The following CCDC102B variants were observed in gnomAD, a reference collection of about 807,000 sequenced individuals.
CCDC102B encodes the protein coiled-coil domain-containing protein 102B.
Under a neutral mutation model 57.4 loss-of-function variants are expected in CCDC102B, and 75 were observed. That is an observed-to-expected ratio of 1.31 (90% confidence interval 1.08 to 1.58). The LOEUF is 1.58. Ranked by LOEUF, CCDC102B falls within the 40% of genes most tolerant of loss-of-function variation. CCDC102B has a pLI of 0.00. For synonymous variants in CCDC102B, 206 were observed against 201.9 expected, an observed-to-expected ratio of 1.02 and a Z score of -0.17; for missense variants, 636 against 582.6, an observed-to-expected ratio of 1.09 and a Z score of -0.94.
At chr18:68,756,773 G>A (rs1186476998) in intron 2 of CCDC102B, among the ~76,000 whole-genome samples, 1 of 152,132 alleles carries the variant, frequency 6.6e-6, no homozygotes, top group Non-Finnish European at 1.5e-5. Flanking sequence ...TAATAAAAGG[G>A]AATGCAGACG....
chr18:68,831,425 A>G (rs1160769510), intron 1 of CCDC102B, among the ~76,000 whole-genome samples: 2 of 152,162 alleles, frequency 1.3e-5, no homozygotes, highest in African/African-American at 4.8e-5. Flanking sequence ...CTGATCAGAT[A>G]ATGCCATTTA....
chr18:68,961,361 A>AC, intron 6 of CCDC102B, among the ~76,000 whole-genome samples: 1 of 152,148 alleles, frequency 6.6e-6, no homozygotes, highest in South Asian at 2.1e-4. Flanking sequence ...AGAATAAAAA[A>AC]ATTTGATTTT....
rs574106717 is a variant in CCDC102B at position 68,724,046 on chromosome 18, G to A, written c.-67+7452G>A. ...CCAAACCTCAGTTATTGACTTCTGT[G>A]CACCCACAGGCTTAACACCATGTGG... is the stretch of plus-strand genomic sequence containing the variant. On this transcript the variant is annotated intron_variant, in intron 2 of 3. Coordinates refer to the CCDC102B transcript ENST00000578970. Among the ~76,000 whole-genome samples, 286 of 152,288 alleles carry A rather than the reference G, an allele frequency of 1.9e-3. 4 individuals carry two copies. Among genetic ancestry groups the A allele is most frequent in the South Asian group, 0.011 (54 of 4,828 alleles).
At chr18:68,977,664 C>A (rs113908239) in intron 6 of CCDC102B, among the ~76,000 whole-genome samples, 1 of 151,438 alleles carries the variant, frequency 6.6e-6, no homozygotes, top group Non-Finnish European at 1.5e-5. Context: ...ATGATGATGA[C>A]GATGACTGTA....
At chr18:68,733,197 T>G (rs2145206374) in intron 2 of CCDC102B, among the ~76,000 whole-genome samples, 2 of 152,240 alleles carry the variant, frequency 1.3e-5, no homozygotes, top group South Asian at 4.1e-4. Flanking sequence ...TACCAAGGAC[T>G]GATGCCTTTC....
At position 68,874,719 on chromosome 18, in the gene CCDC102B, C is replaced by T. The variant is rs756610968; in HGVS notation, c.987C>T (p.Gly329=). The T allele has an allele frequency of 6.2e-7, 1 of 1,611,910 alleles. No individual in the cohort carries two copies. Among genetic ancestry groups the T allele is most frequent in the Non-Finnish European group, 8.5e-7 (1 of 1,178,602 alleles). The change falls in exon 5 of 8, where the codon GGC becomes GGT. Residue 329 remains glycine, a synonymous_variant. Transcript: ENST00000360242. The part of the protein sequence containing the change: ...QHNDEMQELS[G]NIKEESKSQN... ...ATGATGAAATGCAAGAACTGTCAGGCAATATAAAGGAAGAATCCAAATCTC... is the reference window on the plus strand; with the variant it reads ...ATGATGAAATGCAAGAACTGTCAGGTAATATAAAGGAAGAATCCAAATCTC...
At chr18:68,725,184 A>T (rs2032538350) in intron 2 of CCDC102B, among the ~76,000 whole-genome samples, 1 of 152,204 alleles carries the variant, frequency 6.6e-6, no homozygotes, top group Non-Finnish European at 1.5e-5. Context: ...CCTGCCCTTG[A>T]CATATGGGGA....
intron 2 of CCDC102B, among the ~76,000 whole-genome samples, chr18:68,770,576 T>G (rs192314994): frequency 6.6e-6 from 1 of 152,334 alleles, no homozygotes; most frequent in East Asian, 1.9e-4. Context: ...TTGTGGCTAA[T>G]AATTCAACCT....
intron 6 of CCDC102B, among the ~76,000 whole-genome samples, chr18:68,944,099 T>G (rs1035872226): frequency 2.6e-5 from 4 of 152,094 alleles, no homozygotes; most frequent in African/African-American, 7.2e-5. Context: ...TTGGGCTCCT[T>G]TGAAATGCTG....
intron 6 of CCDC102B, among the ~76,000 whole-genome samples, chr18:68,937,314 C>T (rs889751941): frequency 6.6e-6 from 1 of 151,956 alleles, no homozygotes; most frequent in Non-Finnish European, 1.5e-5. Flanking sequence ...ACCAGATAAG[C>T]CTCAAAAAGA....
At chr18:69,026,428 A>T (rs955933715) in intron 7 of CCDC102B, among the ~76,000 whole-genome samples, 1 of 148,990 alleles carries the variant, frequency 6.7e-6, no homozygotes, top group East Asian at 2.0e-4. Context: ...GATGACACCA[A>T]TGCACTCACT....
Position 68,738,993 on chromosome 18 carries a change from C to CTTATTTTTTTTTTTTTTTTTT in CCDC102B, c.-67+22401_-67+22402insATTTTTTTTTTTTTTTTTTTT, listed in dbSNP as rs1555695902. On this transcript the variant is annotated intron_variant, in intron 2 of 3. Coordinates refer to the CCDC102B transcript ENST00000578970. Reference sequence around the variant, plus strand: ...GGCCATTGGACTGTAGATGAGCAGCCTTTTGTTTTTTTTTTTTTTAGACCA... The same window carrying CTTATTTTTTTTTTTTTTTTTT: ...GGCCATTGGACTGTAGATGAGCAGCCTTATTTTTTTTTTTTTTTTTTTTTTGTTTTTTTTTTTTTTAGACCA... 1.4e-5 allele frequency among the ~76,000 whole-genome samples: 2 copies of CTTATTTTTTTTTTTTTTTTTT among 144,976 alleles called. 1 individual carries two copies. The highest frequency in any genetic ancestry group is 5.3e-5 in the African/African-American group (2 of 37,904).
At chr18:68,862,459 G>A (rs143724094) in intron 4 of CCDC102B, among the ~76,000 whole-genome samples, 10 of 152,058 alleles carry the variant, frequency 6.6e-5, no homozygotes, top group Non-Finnish European at 5.9e-5. Flanking sequence ...GACACAATAG[G>A]GATGTATTAC....
chr18:68,951,805 C>CA (rs5825888), intron 6 of CCDC102B, among the ~76,000 whole-genome samples: 1,491 of 130,196 alleles, frequency 0.011, 20 homozygotes, highest in African/African-American at 0.032. Flanking sequence ...GAGACCCTGT[C>CA]AAAAAAAAAA....
intron 6 of CCDC102B, among the ~76,000 whole-genome samples, chr18:68,931,207 A>G (rs1251826567): frequency 6.6e-6 from 1 of 151,886 alleles, no homozygotes; most frequent in Non-Finnish European, 1.5e-5. Flanking sequence ...TTTGTTTTAT[A>G]TAATGAAGGC....
intron 6 of CCDC102B, among the ~76,000 whole-genome samples, chr18:68,949,045 AC>A (rs1180381560): frequency 6.6e-6 from 1 of 152,098 alleles, no homozygotes; most frequent in East Asian, 1.9e-4. Flanking sequence ...CCAGCAGGGG[AC>A]AAAGATGTGG....
intron 6 of CCDC102B, among the ~76,000 whole-genome samples, chr18:68,937,305 C>A (rs2049266336): frequency 6.6e-6 from 1 of 151,996 alleles, no homozygotes; most frequent in South Asian, 2.1e-4. Context: ...AAACGTGGCA[C>A]CAGATAAGCC....
chr18:68,833,221 G>T (rs2037219871), intron 1 of CCDC102B, among the ~76,000 whole-genome samples: 1 of 152,042 alleles, frequency 6.6e-6, no homozygotes, highest in African/African-American at 2.4e-5. Flanking sequence ...GACTTGTCTG[G>T]ATACATCAGA....
At chr18:68,944,078 T>A (rs984173379) in intron 6 of CCDC102B, among the ~76,000 whole-genome samples, 3 of 152,106 alleles carry the variant, frequency 2.0e-5, no homozygotes, top group Admixed American at 6.6e-5. Flanking sequence ...TTCCAGTATG[T>A]TATCAGTTAA....
Sources: gnomAD v4.1 joint callset for allele counts (sites outside exome capture counted in the v4.1 genomes callset) on GRCh38, gnomAD v4.1.1 for gene constraint, MANE v1.5 for transcripts, NCBI Gene and HGNC (gene_info 2026-07-23, HGNC 2026-07-21) for gene names.